Variants in TTLL11 observed in about 807,000 individuals in gnomAD.
The protein encoded by TTLL11 is tubulin tyrosine ligase like 11, also known as tubulin polyglutamylase TTLL11.
Under a neutral mutation model 51.7 loss-of-function variants are expected in TTLL11, and 42 were observed. The observed-to-expected ratio is 0.81, with a 90% CI of 0.64 to 1.05. The LOEUF (loss-of-function observed/expected upper bound fraction) is 1.05. TTLL11 is among the 50% of genes least tolerant of loss of function. TTLL11 has a pLI of 0.00. For missense variants in TTLL11, 799 were observed against 940.4 expected, an observed-to-expected ratio of 0.85 and a Z score of 1.97; for synonymous variants, 381 against 383.5, an observed-to-expected ratio of 0.99 and a Z score of 0.08.
At chr9:121,960,825 C>T (rs1197525019) in intron 6 of TTLL11, among the ~76,000 whole-genome samples, 1 of 152,072 alleles carries the variant, frequency 6.6e-6, no homozygotes, top group Non-Finnish European at 1.5e-5. Context: ...CACAGCTAGA[C>T]ACAGAAGGCT....
chr9:121,825,486 A>C (rs1331046692), intron 8 of TTLL11, among the ~76,000 whole-genome samples: 1 of 152,214 alleles, frequency 6.6e-6, no homozygotes, highest in Non-Finnish European at 1.5e-5. Flanking sequence ...ATTTAGTATA[A>C]TAGCACGTCT....
chr9:122,024,418 G>A (rs764393497), intron 3 of TTLL11, among the ~76,000 whole-genome samples: 8 of 152,036 alleles, frequency 5.3e-5, no homozygotes, highest in Non-Finnish European at 1.0e-4. Context: ...GGGCTTTTTT[G>A]TAGACATTGA....
At chr9:121,854,075 T>C (rs1184852195) in intron 8 of TTLL11, among the ~76,000 whole-genome samples, 1 of 152,124 alleles carries the variant, frequency 6.6e-6, no homozygotes, top group East Asian at 1.9e-4. Flanking sequence ...TTATCTCCAC[T>C]TTACACCTGA....
chr9:121,896,892 C>T (rs1320995568), intron 6 of TTLL11, among the ~76,000 whole-genome samples: 1 of 152,204 alleles, frequency 6.6e-6, no homozygotes, highest in Non-Finnish European at 1.5e-5. Context: ...GAACCAGCCG[C>T]GCACTACAGA....
intron 6 of TTLL11, among the ~76,000 whole-genome samples, chr9:121,971,105 C>T (rs1842541589): frequency 7.8e-6 from 1 of 128,716 alleles, no homozygotes; most frequent in Admixed American, 7.4e-5. Context: ...CCGCCCCGTC[C>T]GGGAGGGAGG....
chr9:121,873,677 G>C (rs1478297567), intron 6 of TTLL11, among the ~76,000 whole-genome samples: 2 of 148,226 alleles, frequency 1.3e-5, no homozygotes, highest in Non-Finnish European at 3.0e-5. Context: ...TCTTTTTTAA[G>C]AGATAGGGGC....
At chr9:122,005,789 T>A (rs550466736) in intron 3 of TTLL11, among the ~76,000 whole-genome samples, 1 of 152,198 alleles carries the variant, frequency 6.6e-6, no homozygotes, top group African/African-American at 2.4e-5. Context: ...GTGGAGCTGG[T>A]ACTGCCACCT....
At chr9:121,952,300 G>A (rs920981504) in intron 6 of TTLL11, among the ~76,000 whole-genome samples, 2 of 152,014 alleles carry the variant, frequency 1.3e-5, no homozygotes, top group African/African-American at 4.8e-5. Context: ...ACAAAAATTA[G>A]CCACGTGTGG....
intron 6 of TTLL11, among the ~76,000 whole-genome samples, chr9:121,955,399 G>C (rs1021467626): frequency 2.6e-5 from 4 of 152,132 alleles, no homozygotes; most frequent in Non-Finnish European, 5.9e-5. Flanking sequence ...CTTTATATGA[G>C]GGGAACAATA....
chr9:121,826,479 A>ATATATATATGTGTGTG (rs546692201), intron 8 of TTLL11, among the ~76,000 whole-genome samples: 764 of 52,584 alleles, frequency 0.015, 16 homozygotes, highest in Non-Finnish European at 0.026. Context: ...ATATATATAT[A>ATATATATATGTGTGTG]TGTATATATA....
intron 1 of TTLL11, among the ~76,000 whole-genome samples, chr9:122,059,652 A>C (rs1845389012): frequency 6.6e-6 from 1 of 152,230 alleles, no homozygotes; most frequent in African/African-American, 2.4e-5. Context: ...ATTGCTGCAC[A>C]AAAAAATTAA....
intron 1 of TTLL11, among the ~76,000 whole-genome samples, chr9:122,084,294 G>A (rs915940294): frequency 1.3e-5 from 2 of 152,102 alleles, no homozygotes; most frequent in African/African-American, 4.8e-5. Flanking sequence ...GGAGAGGGAA[G>A]GAAGCCGCCA....
chr9:121,920,112 G>A (rs1396761036), intron 6 of TTLL11, among the ~76,000 whole-genome samples: 2 of 151,978 alleles, frequency 1.3e-5, no homozygotes, highest in South Asian at 2.1e-4. Flanking sequence ...GACCAGCCTG[G>A]GCAACATGGC....
At chr9:121,879,489 C>T (rs887619776) in intron 6 of TTLL11, among the ~76,000 whole-genome samples, 2 of 152,120 alleles carry the variant, frequency 1.3e-5, no homozygotes, top group South Asian at 4.2e-4. Context: ...TGCTGCTGCC[C>T]AGGTACAGAA....
At chr9:121,955,395 A>T (rs1011452402) in intron 6 of TTLL11, among the ~76,000 whole-genome samples, 4 of 152,230 alleles carry the variant, frequency 2.6e-5, no homozygotes, top group African/African-American at 9.6e-5. Context: ...GGGACTTTAT[A>T]TGAGGGGAAC....
rs1453189970 is a variant in TTLL11 at position 121,820,928 on chromosome 9, C to T, written c.*1659G>A. On this transcript the variant is annotated 3_prime_UTR_variant, in exon 9 of 9. Coordinates refer to ENST00000321582, the MANE Select transcript of TTLL11 (RefSeq NM_001139442.2). ...GGGGAAGGGCAGCGGCCTTTGGGCT[C>T]TGCTAGCAGCAGGGAAGGGGTGCTG... is the stretch of plus-strand genomic sequence containing the variant. 7.0e-6 allele frequency among the ~76,000 whole-genome samples: 1 copy of T among 142,690 alleles called. No homozygotes were observed. Among genetic ancestry groups the T allele is most frequent in the African/African-American group, 2.6e-5 (1 of 38,212 alleles). 93.6% of individuals were successfully genotyped at this position (142,690 alleles called of 152,430 possible).
chr9:121,838,746 G>GAGAA (rs561818026), intron 8 of TTLL11, among the ~76,000 whole-genome samples: 4,199 of 147,400 alleles, frequency 0.028, 110 homozygotes, highest in South Asian at 0.046. Flanking sequence ...GAAAGAAAGA[G>GAGAA]AGAAAGAAAG....
At chr9:122,044,605 G>T (rs1294373940) in intron 1 of TTLL11, among the ~76,000 whole-genome samples, 1 of 152,062 alleles carries the variant, frequency 6.6e-6, no homozygotes, top group Non-Finnish European at 1.5e-5. Context: ...TTCTCTGATG[G>T]CCAGTGATGA....
chr9:122,015,467 C>T (rs1460104230), intron 3 of TTLL11, among the ~76,000 whole-genome samples: 1 of 152,234 alleles, frequency 6.6e-6, no homozygotes, highest in African/African-American at 2.4e-5. Flanking sequence ...GGAGTCCCCT[C>T]ACTTCTGTCT....
Sources: gnomAD v4.1 joint callset for allele counts (sites outside exome capture counted in the v4.1 genomes callset) on GRCh38, gnomAD v4.1.1 for gene constraint, MANE v1.5 for transcripts, NCBI Gene and HGNC (gene_info 2026-07-23, HGNC 2026-07-21) for gene names.